The following TMEM178B variants were observed in gnomAD, a reference collection of about 807,000 sequenced individuals.
TMEM178B encodes transmembrane protein 178B.
TMEM178B carries 5 observed loss-of-function variants against 31.0 expected under a neutral mutation model. The observed-to-expected ratio is 0.16, with a 90% CI of 0.08 to 0.34. The LOEUF is 0.34. Among genes scored for constraint, TMEM178B ranks in the 10% least tolerant of loss-of-function variants. The probability of loss-of-function intolerance (pLI) is 1.00; values close to 1 mark genes in which losing one functional copy is unlikely to be tolerated. For missense variants in TMEM178B, 275 were observed against 400.3 expected (o/e 0.69, Z 2.67); for synonymous variants, 164 against 164.0 (o/e 1.00, Z 0.00).
At chr7:141,359,045 A>G (rs1799871891) in intron 2 of TMEM178B, among the ~76,000 whole-genome samples, 1 of 152,224 alleles carries the variant, frequency 6.6e-6, no homozygotes, top group Non-Finnish European at 1.5e-5. Flanking sequence ...TTGCTTTGAT[A>G]ACTAAAATGG....
intron 2 of TMEM178B, among the ~76,000 whole-genome samples, chr7:141,431,423 G>T (rs1474622153): frequency 6.6e-6 from 1 of 151,972 alleles, no homozygotes; most frequent in African/African-American, 2.4e-5. Flanking sequence ...CTATTTAATG[G>T]TTCTCCTCGC....
intron 1 of TMEM178B, among the ~76,000 whole-genome samples, chr7:141,186,353 G>A (rs762905709): frequency 3.9e-5 from 6 of 152,088 alleles, no homozygotes; most frequent in Non-Finnish European, 8.8e-5. Context: ...AAGATTATGT[G>A]AAGTAAAGAG....
intron 1 of TMEM178B, among the ~76,000 whole-genome samples, chr7:141,166,145 A>G (rs1421361973): frequency 6.6e-6 from 1 of 152,264 alleles, no homozygotes; most frequent in Non-Finnish European, 1.5e-5. Flanking sequence ...ACTCTGGGCC[A>G]GTAGACCTAT....
chr7:141,218,576 A>G (rs1156476101), intron 2 of TMEM178B, among the ~76,000 whole-genome samples: 1 of 152,150 alleles, frequency 6.6e-6, no homozygotes, highest in East Asian at 1.9e-4. Context: ...TGGGAAGCCC[A>G]GCGTGTCCTG....
chr7:141,435,080 A>G (rs1801508986), intron 2 of TMEM178B, among the ~76,000 whole-genome samples: 1 of 152,220 alleles, frequency 6.6e-6, no homozygotes, highest in Non-Finnish European at 1.5e-5. Context: ...AGAAATCCAC[A>G]TATTTATAGC....
chr7:141,210,673 G>A (rs1797039173), intron 1 of TMEM178B, among the ~76,000 whole-genome samples: 1 of 152,182 alleles, frequency 6.6e-6, no homozygotes, highest in Non-Finnish European at 1.5e-5. Flanking sequence ...GCCATGGGCA[G>A]CCTCATCTGT....
intron 1 of TMEM178B, among the ~76,000 whole-genome samples, chr7:141,129,397 A>G (rs1563095265): frequency 1.3e-5 from 2 of 152,204 alleles, no homozygotes; most frequent in South Asian, 2.1e-4. Context: ...GGTATAAGCT[A>G]CATACAATAA....
intron 1 of TMEM178B, among the ~76,000 whole-genome samples, chr7:141,104,155 C>T (rs1213303760): frequency 2.6e-5 from 4 of 152,092 alleles, no homozygotes; most frequent in African/African-American, 9.7e-5. Flanking sequence ...TTGCTTTTCC[C>T]CGACCTCCTG....
intron 1 of TMEM178B, among the ~76,000 whole-genome samples, chr7:141,176,438 G>T (rs758309358): frequency 6.6e-6 from 1 of 152,158 alleles, no homozygotes; most frequent in Non-Finnish European, 1.5e-5. Context: ...TTGTGTCTCT[G>T]TCAGGTTTTG....
At chr7:141,097,116 G>A (rs1158237826) in intron 1 of TMEM178B, among the ~76,000 whole-genome samples, 1 of 151,676 alleles carries the variant, frequency 6.6e-6, no homozygotes, top group Non-Finnish European at 1.5e-5. Context: ...TCTTAGCGAA[G>A]TTACAGAGAT....
intron 1 of TMEM178B, among the ~76,000 whole-genome samples, chr7:141,097,781 T>TTTTC (rs201900694): frequency 9.6e-5 from 14 of 145,456 alleles, no homozygotes; most frequent in East Asian, 2.0e-4. Flanking sequence ...TTTCTTTTCT[T>TTTTC]TTTCTTTCTT....
Position 141,473,180 on chromosome 7 carries a change from AGTTAGAT to A in TMEM178B, c.*2395_*2401del, listed in dbSNP as rs1287208801. The A allele has an allele frequency of 1.3e-5, 2 of 152,250 alleles. No homozygotes were observed. 9.4% of individuals were successfully genotyped at this position (152,250 alleles called of 1,614,324 possible). A position where few individuals can be genotyped will look rare whatever the true frequency, so the allele number is the denominator to read the frequency against. On this transcript the variant is annotated 3_prime_UTR_variant, in exon 4 of 4. Transcript: ENST00000565468. ...ATTTTATTTCTAATTTTCTTTGAAA[AGTTAGAT>A]TTCTCCCTTAAGGGGAAGGGCATAC...
chr7:141,200,062 T>G (rs530217518), intron 1 of TMEM178B, among the ~76,000 whole-genome samples: 3 of 151,704 alleles, frequency 2.0e-5, no homozygotes, highest in Admixed American at 1.3e-4. Flanking sequence ...AAAAAAAAAT[T>G]TGTAGACAGG....
At chr7:141,338,863 A>G (rs1799469266) in intron 2 of TMEM178B, among the ~76,000 whole-genome samples, 1 of 152,250 alleles carries the variant, frequency 6.6e-6, no homozygotes, top group East Asian at 1.9e-4. Flanking sequence ...TTTAGAAAAT[A>G]GGGCCTTAAA....
intron 1 of TMEM178B, among the ~76,000 whole-genome samples, chr7:141,141,284 AT>A (rs113988861): frequency 2.0e-5 from 3 of 149,654 alleles, no homozygotes; most frequent in East Asian, 2.0e-4. Flanking sequence ...TGCCCCATCA[AT>A]TTTTTTTTTC....
intron 1 of TMEM178B, among the ~76,000 whole-genome samples, chr7:141,142,474 C>T (rs960553382): frequency 6.7e-6 from 1 of 149,012 alleles, no homozygotes; most frequent in African/African-American, 2.5e-5. Context: ...GTGGTGCATT[C>T]TCTGCTCGCT....
At chr7:141,121,394 C>T (rs965959382) in intron 1 of TMEM178B, among the ~76,000 whole-genome samples, 4 of 152,130 alleles carry the variant, frequency 2.6e-5, no homozygotes, top group African/African-American at 9.7e-5. Context: ...TTCCGTTTCC[C>T]CTTTGCAGAG....
intron 1 of TMEM178B, among the ~76,000 whole-genome samples, chr7:141,127,293 T>C (rs1262494377): frequency 2.6e-5 from 4 of 152,210 alleles, no homozygotes; most frequent in South Asian, 2.1e-4. Flanking sequence ...TTTGTACACA[T>C]TTATAGTGGG....
intron 1 of TMEM178B, among the ~76,000 whole-genome samples, chr7:141,132,569 C>T (rs536078220): frequency 6.6e-6 from 1 of 152,246 alleles, no homozygotes; most frequent in African/African-American, 2.4e-5. Context: ...CACGTGCCAC[C>T]TGGGGGCCTG....
Sources: gnomAD v4.1 joint callset for allele counts (sites outside exome capture counted in the v4.1 genomes callset) on GRCh38, gnomAD v4.1.1 for gene constraint, MANE v1.5 for transcripts, NCBI Gene and HGNC (gene_info 2026-07-23, HGNC 2026-07-21) for gene names.